RAD51B: variants seen among roughly 807,000 people sequenced by gnomAD.
RAD51B encodes the protein RAD51 paralog B.
Under a neutral mutation model 42.2 loss-of-function variants are expected in RAD51B, and 38 were observed. That is an observed-to-expected ratio of 0.90 (90% CI 0.70 to 1.18). RAD51B has a LOEUF of 1.18. Among genes scored for constraint, RAD51B ranks in the 50% most tolerant of loss-of-function variants. RAD51B has a pLI of 0.00. For synonymous variants in RAD51B, 154 were observed against 145.2 expected (o/e 1.06, Z -0.43); for missense variants, 373 against 400.7 (o/e 0.93, Z 0.59).
chr14:68,286,612 G>A (rs2139645368), intron 7 of RAD51B, among the ~76,000 whole-genome samples: 1 of 152,306 alleles, frequency 6.6e-6, no homozygotes, highest in East Asian at 1.9e-4. Flanking sequence ...TAGTACTCAT[G>A]GAAGGCTCCA....
At chr14:68,415,786 C>A (rs1045333903) in intron 9 of RAD51B, among the ~76,000 whole-genome samples, 1 of 152,200 alleles carries the variant, frequency 6.6e-6, no homozygotes, top group Non-Finnish European at 1.5e-5. Context: ...AAAATATTCA[C>A]ATTTATACAA....
At chr14:68,192,102 CT>C (rs1220423575) in intron 7 of RAD51B, among the ~76,000 whole-genome samples, 1 of 152,188 alleles carries the variant, frequency 6.6e-6, no homozygotes, top group African/African-American at 2.4e-5. Flanking sequence ...AGACATCTCT[CT>C]TCAATTCAGG....
At chr14:68,358,316 G>A (rs537975131) in intron 8 of RAD51B, among the ~76,000 whole-genome samples, 1 of 152,358 alleles carries the variant, frequency 6.6e-6, no homozygotes, top group South Asian at 2.1e-4. Context: ...TCAATTTGTA[G>A]AAAAACATAG....
At chr14:67,986,338 C>T (rs2075192692) in intron 7 of RAD51B, among the ~76,000 whole-genome samples, 1 of 152,118 alleles carries the variant, frequency 6.6e-6, no homozygotes, top group Non-Finnish European at 1.5e-5. Context: ...TTAAGGATGC[C>T]AGAGAATACC....
intron 9 of RAD51B, among the ~76,000 whole-genome samples, chr14:68,430,105 A>G (rs1446357284): frequency 1.3e-5 from 2 of 152,040 alleles, no homozygotes; most frequent in South Asian, 2.1e-4. Flanking sequence ...CCATTGGTCT[A>G]TATCTCTGTT....
At chr14:68,128,980 T>C (rs2077830863) in intron 7 of RAD51B, among the ~76,000 whole-genome samples, 1 of 152,234 alleles carries the variant, frequency 6.6e-6, no homozygotes, top group Non-Finnish European at 1.5e-5. Context: ...TATCATTTAC[T>C]ACTTTGTATC....
chr14:67,976,568 G>A (rs1479385009), intron 7 of RAD51B, among the ~76,000 whole-genome samples: 2 of 151,932 alleles, frequency 1.3e-5, no homozygotes, highest in Non-Finnish European at 2.9e-5. Flanking sequence ...CCATTAACTC[G>A]TCGGATTAAA....
At chr14:68,444,296 C>T (rs375168184) in intron 9 of RAD51B, among the ~76,000 whole-genome samples, 8 of 152,298 alleles carry the variant, frequency 5.3e-5, no homozygotes, top group South Asian at 2.1e-4. Context: ...TTCTCTTGTG[C>T]GAAGTCCTCT....
intron 4 of RAD51B, among the ~76,000 whole-genome samples, chr14:67,846,303 G>A (rs927045507): frequency 3.9e-5 from 6 of 152,188 alleles, no homozygotes; most frequent in African/African-American, 1.2e-4. Flanking sequence ...GTGGCAGTGT[G>A]GGGGGTGGCG....
intron 9 of RAD51B, among the ~76,000 whole-genome samples, chr14:68,455,746 TAA>T (rs1226460407): frequency 2.5e-4 from 38 of 151,382 alleles, no homozygotes; most frequent in Middle Eastern, 3.4e-3. Flanking sequence ...AATTTTTTTT[TAA>T]AAAGTGTGTT....
intron 7 of RAD51B, among the ~76,000 whole-genome samples, chr14:68,158,555 A>G (rs1595486986): frequency 6.6e-6 from 1 of 152,228 alleles, no homozygotes; most frequent in East Asian, 1.9e-4. Context: ...ATATACTTTA[A>G]CACCTAAATG....
chr14:68,178,528 A>G (rs1004366722), intron 7 of RAD51B, among the ~76,000 whole-genome samples: 5 of 152,192 alleles, frequency 3.3e-5, no homozygotes, highest in African/African-American at 7.2e-5. Flanking sequence ...TAATTGGGCT[A>G]TGCGTATCCT....
intron 10 of RAD51B, among the ~76,000 whole-genome samples, chr14:68,575,821 A>G (rs1423905774): frequency 2.6e-5 from 4 of 152,342 alleles, no homozygotes; most frequent in East Asian, 1.9e-4. Context: ...GGTAGTTTTT[A>G]TTTTGAAATA....
At position 68,382,238 on chromosome 14, in the gene RAD51B, T is replaced by C. The variant is rs1217351042; in HGVS notation, c.854-29186T>C. 3.3e-5 allele frequency among the ~76,000 whole-genome samples: 5 copies of C among 152,224 alleles called. No individual in the cohort carries two copies. In the East Asian group the frequency reaches 7.7e-4, roughly 23 times the overall value. On this transcript the variant is annotated intron_variant, in intron 8 of 10. Coordinates refer to ENST00000471583, the MANE Select transcript of RAD51B (RefSeq NM_133510.4). ...TGGTATGTTTAGTAGCATTTCTGCC[T>C]CTTCCCACTGGGTAGATGCCAATGG...
chr14:68,643,151 G>A (rs930321139), intron 10 of RAD51B, among the ~76,000 whole-genome samples: 21 of 127,650 alleles, frequency 1.6e-4, no homozygotes, highest in African/African-American at 6.3e-4. Flanking sequence ...TCTCCTTGAA[G>A]TTCTACCAGT....
At chr14:68,528,604 G>A (rs899908560) in intron 10 of RAD51B, among the ~76,000 whole-genome samples, 1 of 152,180 alleles carries the variant, frequency 6.6e-6, no homozygotes, top group East Asian at 1.9e-4. Flanking sequence ...AAAGCTCTGA[G>A]TCAAGGTCCA....
chr14:68,231,872 A>C (rs976581105), intron 7 of RAD51B, among the ~76,000 whole-genome samples: 1 of 152,226 alleles, frequency 6.6e-6, no homozygotes, highest in Non-Finnish European at 1.5e-5. Context: ...AGGCATGAGA[A>C]TATCTTGCTG....
At chr14:68,613,476 T>C (rs1157963987), downstream of RAD51B, among the ~76,000 whole-genome samples, 3 of 146,674 alleles carry the variant, frequency 2.0e-5, no homozygotes, top group Admixed American at 6.9e-5. Context: ...TTTTTTGAGA[T>C]GGAGTCTCAC....
At chr14:68,356,874 T>C (rs1258134604) in intron 8 of RAD51B, among the ~76,000 whole-genome samples, 1 of 149,382 alleles carries the variant, frequency 6.7e-6, no homozygotes, top group Non-Finnish European at 1.5e-5. Context: ...TCCCAGCTAC[T>C]TGGGAGGCTG....
Sources: allele counts gnomAD v4.1 joint callset (sites outside exome capture counted in the v4.1 genomes callset), GRCh38; gene constraint gnomAD v4.1.1; transcripts MANE v1.5; gene names NCBI Gene and HGNC (gene_info 2026-07-23, HGNC 2026-07-21).